The following ST6GALNAC3 variants were observed in gnomAD, a reference collection of about 807,000 sequenced individuals.
ST6GALNAC3 encodes the protein ST6 N-acetylgalactosaminide alpha-2,6-sialyltransferase 3, also known as alpha-N-acetylgalactosaminide alpha-2,6-sialyltransferase 3.
Under a neutral mutation model 32.7 loss-of-function variants are expected in ST6GALNAC3, and 25 were observed. The observed-to-expected ratio is 0.76, with a 90% CI of 0.56 to 1.07. The LOEUF is 1.07. ST6GALNAC3 is among the 50% of genes least tolerant of loss of function. The pLI is 0.00. For synonymous variants in ST6GALNAC3, 129 were observed against 133.1 expected (o/e 0.97, Z 0.21); for missense variants, 355 against 382.4 (o/e 0.93, Z 0.60).
At chr1:76,271,391 AT>A (rs1159406241) in intron 1 of ST6GALNAC3, among the ~76,000 whole-genome samples, 2 of 152,226 alleles carry the variant, frequency 1.3e-5, no homozygotes, top group Non-Finnish European at 2.9e-5. Flanking sequence ...ATTATTCACA[AT>A]TATTTATTGA....
At chr1:76,272,798 T>C (rs887191594) in intron 1 of ST6GALNAC3, among the ~76,000 whole-genome samples, 1 of 152,196 alleles carries the variant, frequency 6.6e-6, no homozygotes, top group African/African-American at 2.4e-5. Context: ...AATGAAAGAA[T>C]AGGCTAACTT....
intron 3 of ST6GALNAC3, among the ~76,000 whole-genome samples, chr1:76,506,461 A>G (rs1661484631): frequency 6.6e-6 from 1 of 152,168 alleles, no homozygotes; most frequent in Non-Finnish European, 1.5e-5. Context: ...GCATCTTCCC[A>G]GTCACCTTTG....
chr1:76,227,451 A>G (rs1353270007), intron 1 of ST6GALNAC3, among the ~76,000 whole-genome samples: 1 of 152,196 alleles, frequency 6.6e-6, no homozygotes. Flanking sequence ...ACTTGAGGGC[A>G]GGGACTGTAT....
At position 76,412,220 on chromosome 1, in the gene ST6GALNAC3, T is replaced by A; in HGVS notation, c.426T>A (p.Tyr142Ter). 1 of 1,613,784 alleles carries A rather than the reference T, an allele frequency of 6.2e-7. No homozygotes were observed. Among genetic ancestry groups the A allele is most frequent in the Non-Finnish European group, 8.5e-7 (1 of 1,179,842 alleles). Residue 142 changes from tyrosine to a stop codon, truncating the protein, a stop_gained, in exon 3 of 5, where the codon TAT (tyrosine) becomes TAA (stop). Transcript: ENST00000328299. LOFTEE classifies it high-confidence loss of function. ...CTCTTTTGCTAAAAAACCCTGATTA[T>A]TTTTTCAAGGAAGCGAATACTACTA... The part of the protein sequence containing the change: ...SVPLLLKNPD[Y>*]FFKEANTTIY...
chr1:76,306,420 TA>T (rs1249287271), intron 1 of ST6GALNAC3, among the ~76,000 whole-genome samples: 1 of 151,824 alleles, frequency 6.6e-6, no homozygotes, highest in African/African-American at 2.4e-5. Flanking sequence ...TGTTGGTAGT[TA>T]AAAAAAAGTT....
At chr1:76,292,165 A>T (rs1297599410) in intron 1 of ST6GALNAC3, among the ~76,000 whole-genome samples, 1 of 152,250 alleles carries the variant, frequency 6.6e-6, no homozygotes, top group East Asian at 1.9e-4. Context: ...GAACCTTCTC[A>T]GGAACTTAAT....
chr1:76,186,793 T>G (rs1653584237), intron 1 of ST6GALNAC3, among the ~76,000 whole-genome samples: 1 of 152,172 alleles, frequency 6.6e-6, no homozygotes, highest in Non-Finnish European at 1.5e-5. Flanking sequence ...TTTATGAGCT[T>G]GTACATGGCA....
chr1:76,330,853 G>A (rs1030307056), intron 2 of ST6GALNAC3, among the ~76,000 whole-genome samples: 1 of 152,104 alleles, frequency 6.6e-6, no homozygotes, highest in Non-Finnish European at 1.5e-5. Flanking sequence ...ATTGACAGAG[G>A]CCACCCTTTA....
At position 76,247,925 on chromosome 1, in the gene ST6GALNAC3, G is replaced by A. The variant is rs143933876; in HGVS notation, c.19-65880G>A. Among the ~76,000 whole-genome samples, 62 of 152,062 alleles carry A rather than the reference G, an allele frequency of 4.1e-4. No individual in the cohort carries two copies. In the East Asian group the frequency reaches 8.6e-3, roughly 21 times the overall value. On this transcript the variant is annotated intron_variant, in intron 1 of 4. Transcript: ENST00000328299. ...TCTGCCCAAACAGCCGCCCAGTTTT[G>A]TGCCTGAAACCCAGGGCCCTGGTGG...
intron 1 of ST6GALNAC3, among the ~76,000 whole-genome samples, chr1:76,208,916 C>T (rs960110398): frequency 1.8e-4 from 28 of 152,148 alleles, no homozygotes; most frequent in African/African-American, 4.3e-4. Flanking sequence ...CTCTCAAGCT[C>T]GTTTTCCTTA....
At chr1:76,298,272 G>GA (rs750337969) in intron 1 of ST6GALNAC3, among the ~76,000 whole-genome samples, 3 of 152,122 alleles carry the variant, frequency 2.0e-5, no homozygotes, top group East Asian at 3.9e-4. Flanking sequence ...AGAAAGAGGA[G>GA]AAAATCTATC....
At chr1:76,461,514 G>C (rs1658278291) in intron 3 of ST6GALNAC3, among the ~76,000 whole-genome samples, 1 of 152,134 alleles carries the variant, frequency 6.6e-6, no homozygotes. Context: ...CTTCGTGCTG[G>C]AGCCTTTATA....
chr1:76,337,226 C>A (rs1478155853), intron 2 of ST6GALNAC3, among the ~76,000 whole-genome samples: 1 of 152,196 alleles, frequency 6.6e-6, no homozygotes, highest in Non-Finnish European at 1.5e-5. Flanking sequence ...TTCCTGCATT[C>A]CCCAAGCACT....
At chr1:76,310,117 A>G in intron 1 of ST6GALNAC3, 1 of 376,282 alleles carries the variant, frequency 2.7e-6, no homozygotes, top group South Asian at 2.0e-5. Context: ...AAACAAAAGC[A>G]CAAATCCCAT....
At chr1:76,587,451 G>A (rs115010939) in intron 3 of ST6GALNAC3, among the ~76,000 whole-genome samples, 349 of 152,306 alleles carry the variant, frequency 2.3e-3, no homozygotes, top group African/African-American at 7.8e-3. Context: ...AAGTTCTCTA[G>A]ATGCTGAGAG....
At chr1:76,415,466 C>T (rs1007027050) in intron 3 of ST6GALNAC3, among the ~76,000 whole-genome samples, 1 of 151,906 alleles carries the variant, frequency 6.6e-6, no homozygotes, top group Admixed American at 6.6e-5. Context: ...CTTGCATTCT[C>T]TATAGGCGTC....
At chr1:76,609,836 A>G (rs930029360) in intron 3 of ST6GALNAC3, among the ~76,000 whole-genome samples, 2 of 152,172 alleles carry the variant, frequency 1.3e-5, no homozygotes, top group South Asian at 4.2e-4. Flanking sequence ...GTTCAATCTA[A>G]CACACTTGAG....
chr1:76,470,775 C>G (rs1449436004), intron 3 of ST6GALNAC3, among the ~76,000 whole-genome samples: 1 of 152,066 alleles, frequency 6.6e-6, no homozygotes, highest in Non-Finnish European at 1.5e-5. Context: ...ACCTGGGTCA[C>G]AGTTCTCTAC....
chr1:76,520,260 A>G (rs1427803765), intron 3 of ST6GALNAC3, among the ~76,000 whole-genome samples: 1 of 152,190 alleles, frequency 6.6e-6, no homozygotes, highest in African/African-American at 2.4e-5. Flanking sequence ...CGTTCTATGT[A>G]CTAGACAAGG....
Sources: allele counts gnomAD v4.1 joint callset (sites outside exome capture counted in the v4.1 genomes callset), GRCh38; gene constraint gnomAD v4.1.1; transcripts MANE v1.5; gene names NCBI Gene and HGNC (gene_info 2026-07-23, HGNC 2026-07-21).